The following PMS2 variants were observed in gnomAD, a reference collection of about 807,000 sequenced individuals.
PMS2 encodes the protein mismatch repair endonuclease PMS2.
PMS2 carries 69 observed loss-of-function variants against 90.0 expected under a neutral mutation model. The observed-to-expected ratio is 0.77, with a 90% CI of 0.63 to 0.94. The LOEUF (loss-of-function observed/expected upper bound fraction) is 0.94, where lower values mean the gene tolerates loss of function less well. Ranked by LOEUF, PMS2 falls within the 40% of genes least tolerant of loss-of-function variation. The pLI is 0.00. For synonymous variants in PMS2, 332 were observed against 375.1 expected, an observed-to-expected ratio of 0.89 and a Z score of 1.33; for missense variants, 966 against 1,040.2, an observed-to-expected ratio of 0.93 and a Z score of 0.98.
intron 5 of PMS2, among the ~76,000 whole-genome samples, chr7:6,001,302 G>T (rs1785061664): frequency 6.6e-6 from 1 of 151,636 alleles, no homozygotes; most frequent in Non-Finnish European, 1.5e-5. Flanking sequence ...ATAACATTTA[G>T]CTATTTTCAT....
chr7:6,006,712 T>C (rs1785815294), intron 1 of PMS2, among the ~76,000 whole-genome samples: 1 of 152,038 alleles, frequency 6.6e-6, no homozygotes, highest in South Asian at 2.1e-4. Flanking sequence ...AAATACACAA[T>C]GTTTAAGTCA....
rs745361721 is a variant in PMS2, at chr7:6,009,009, G to C, written c.11C>G (p.Ala4Gly). The change falls in exon 1 of 15, where the codon GCT becomes GGT. Residue 4 changes from alanine (A) to glycine (G), a missense_variant. By Grantham distance (60) the Ala-to-Gly change is moderately conservative. Around this residue, in one of 2 missense-constraint regions of PMS2, gnomAD observed 871 missense variants for 802.4 expected, o/e 1.09. Transcript: ENST00000265849. ...GAGCCCCGCTCACCTCGAGCTCTCA[G>C]CTCGCTCCATGGATGCAACACCCGA... MER[A>G]ESSSTEPAKA... 4.2e-5 allele frequency: 68 copies of C among 1,612,458 alleles called. No homozygotes were observed. The highest frequency in any genetic ancestry group is 5.7e-5 in the Non-Finnish European group (67 of 1,179,842).
chr7:5,989,314 C>G (rs948782989), intron 10 of PMS2, among the ~76,000 whole-genome samples: 2 of 151,730 alleles, frequency 1.3e-5, no homozygotes, highest in Non-Finnish European at 2.9e-5. Context: ...GCCTGTAATC[C>G]CAGCTACTCA....
chr7:6,007,375 CAA>C (rs1195406985), intron 1 of PMS2, among the ~76,000 whole-genome samples: 1 of 152,124 alleles, frequency 6.6e-6, no homozygotes, highest in Non-Finnish European at 1.5e-5. Flanking sequence ...CTCGGCCTCC[CAA>C]AGTGCTAGGA....
Position 5,986,867 on chromosome 7 carries a change from T to G in PMS2, c.1898A>C (p.His633Pro), listed in dbSNP as rs63750024. The G allele has an allele frequency of 6.2e-7, 1 of 1,614,028 alleles. No individual in the cohort carries two copies. The highest frequency in any genetic ancestry group is 1.1e-5 in the South Asian group (1 of 91,082). ...CCCTTCACTTTGCTGTGCTTCATGA[T>G]GTAACTGCTTTATTCGTTTAGCTAA... ...SSLAKRIKQL[H>P]HEAQQSEGEQ... The change falls in exon 11 of 15, where the codon CAT becomes CCT. Residue 633 changes from histidine to proline, a missense_variant. Coordinates refer to ENST00000265849, the MANE Select transcript of PMS2 (RefSeq NM_000535.7).
chr7:6,003,558 C>T (rs183467406), intron 4 of PMS2, 132 bp downstream of exon 4: 25 of 658,494 alleles, frequency 3.8e-5, no homozygotes, highest in Admixed American at 2.9e-4. Context: ...AGATTGGCAG[C>T]GAGACAAAAC....
At chr7:5,988,770 A>G (rs1192770051) in intron 10 of PMS2, among the ~76,000 whole-genome samples, 1 of 152,226 alleles carries the variant, frequency 6.6e-6, no homozygotes, top group African/African-American at 2.4e-5. Context: ...AAATAATGAG[A>G]GAAAGAAACA....
rs759306219 is a variant in PMS2, at chr7:5,987,363, G to A, written c.1402C>T (p.Leu468=). The A allele has an allele frequency of 1.9e-6, 3 of 1,614,142 alleles. No homozygotes were observed. The highest frequency in any genetic ancestry group is 2.5e-6 in the Non-Finnish European group (3 of 1,180,042). Residue 468 remains leucine (L), a synonymous_variant, in exon 11 of 15, where the codon CTG becomes TTG. Transcript: ENST00000265849. ...TSGAISDKGV[L]RPQKEAVSSS... is the part of the protein sequence containing the mutation. ...CTCACTGCCTCTTTCTGAGGTCTCA[G>A]GACGCCTTTGTCAGAGATGGCACCT... is the stretch of plus-strand genomic sequence containing the variant.
intron 12 of PMS2, among the ~76,000 whole-genome samples, chr7:5,981,413 T>A (rs1384016579): frequency 6.7e-6 from 1 of 149,474 alleles, no homozygotes; most frequent in Non-Finnish European, 1.5e-5. Flanking sequence ...TCTGACTAAT[T>A]TTTTACATTT....
At chr7:5,997,898 G>C (rs1020983480) in intron 6 of PMS2, among the ~76,000 whole-genome samples, 8 of 151,956 alleles carry the variant, frequency 5.3e-5, no homozygotes, top group African/African-American at 1.9e-4. Flanking sequence ...CAACAATTTT[G>C]ATTTTATGAT....
At chr7:5,983,125 T>C in intron 11 of PMS2, 134 bp from the exon 12 acceptor site, 1 of 1,351,852 alleles carries the variant, frequency 7.4e-7, no homozygotes, top group African/African-American at 1.5e-5. Flanking sequence ...CGCTTTCTTT[T>C]TTTTTGAAAC....
chr7:5,983,920 G>A (rs1486036484), intron 11 of PMS2, among the ~76,000 whole-genome samples: 1 of 151,828 alleles, frequency 6.6e-6, no homozygotes, highest in Non-Finnish European at 1.5e-5. Context: ...CCAAAGTGCT[G>A]GGATTACAGG....
intron 10 of PMS2, among the ~76,000 whole-genome samples, chr7:5,988,265 C>T (rs1040519801): frequency 2.6e-5 from 4 of 152,032 alleles, no homozygotes; most frequent in African/African-American, 9.7e-5. Context: ...CACCTGCAAC[C>T]CAGCATAGCT....
intron 11 of PMS2, among the ~76,000 whole-genome samples, chr7:5,986,339 C>G (rs1489896912): frequency 6.6e-6 from 1 of 152,026 alleles, no homozygotes; most frequent in African/African-American, 2.4e-5. Context: ...CTTGGCCTCC[C>G]AAAGTACTGG....
At chr7:6,003,546 T>C (rs1245019894) in intron 4 of PMS2, 144 bp downstream of exon 4, 1 of 646,810 alleles carries the variant, frequency 1.5e-6, no homozygotes, top group African/African-American at 1.8e-5. Flanking sequence ...GTACTATGAC[T>C]TAGATTGGCA....
rs1476140643 is a variant in PMS2 at position 5,975,516 on chromosome 7, C to G, written c.2446-1974G>C. Among the ~76,000 whole-genome samples the G allele has an allele frequency of 1.4e-4, 6 of 43,098 alleles. 1 individual carries two copies. Among genetic ancestry groups the G allele is most frequent in the African/African-American group, 5.9e-4 (6 of 10,114 alleles). The allele number at this position is 43,098 out of a possible 152,430, so 28.3% of individuals were successfully genotyped here. A position where few individuals can be genotyped will look rare whatever the true frequency, so the allele number is the denominator to read the frequency against. On this transcript the variant is annotated intron_variant, in intron 14 of 14. Transcript: ENST00000265849. ...CTTCCTTCGCTTGGAAAGTTCTTACCCAAGAGGGCTCCATTCTACCTTTTT... is the reference window on the plus strand; with the variant it reads ...CTTCCTTCGCTTGGAAAGTTCTTACGCAAGAGGGCTCCATTCTACCTTTTT...
intron 4 of PMS2, 124 bp downstream of exon 4, chr7:6,003,561 GACAAA>G: frequency 1.5e-6 from 1 of 668,830 alleles, no homozygotes; most frequent in Non-Finnish European, 2.7e-6. Flanking sequence ...TTGGCAGCGA[GACAAA>G]ACAGAATTCA....
chr7:6,009,104 G>C (rs1243082965), upstream of PMS2: 1 of 1,506,232 alleles, frequency 6.6e-7, no homozygotes, highest in Non-Finnish European at 9.2e-7. Flanking sequence ...ACTCCCATTG[G>C]CTGCTTTCGA....
At chr7:6,002,349 T>C in intron 5 of PMS2, 104 bp downstream of exon 5, 3 of 797,268 alleles carry the variant, frequency 3.8e-6, no homozygotes, top group Non-Finnish European at 6.5e-6. Context: ...CATTTCTCAA[T>C]AATTTATGGG....
Sources: allele counts gnomAD v4.1 joint callset (sites outside exome capture counted in the v4.1 genomes callset), GRCh38; gene constraint gnomAD v4.1.1; regional missense constraint gnomAD v4.1.1; transcripts MANE v1.5; gene names NCBI Gene and HGNC (gene_info 2026-07-23, HGNC 2026-07-21).